The following PDLIM5 variants were observed in gnomAD, a reference collection of about 807,000 sequenced individuals.
PDLIM5 encodes the protein PDZ and LIM domain protein 5.
Under a neutral mutation model 64.2 loss-of-function variants are expected in PDLIM5, and 34 were observed. That is an observed-to-expected ratio of 0.53 (90% CI 0.40 to 0.71). The LOEUF (loss-of-function observed/expected upper bound fraction) is 0.71. PDLIM5 is among the 30% of genes least tolerant of loss of function. The pLI is 0.00. For missense variants in PDLIM5, 683 were observed against 733.6 expected, an observed-to-expected ratio of 0.93 and a Z score of 0.80; for synonymous variants, 253 against 269.1, an observed-to-expected ratio of 0.94 and a Z score of 0.59.
intron 3 of PDLIM5, among the ~76,000 whole-genome samples, chr4:94,556,358 A>G (rs940990683): frequency 5.9e-5 from 9 of 152,304 alleles, no homozygotes; most frequent in Admixed American, 2.6e-4. Context: ...TAGTGCCGCA[A>G]TAAACATAGG....
In PDLIM5 at chr4:94,579,590, C is replaced by G. The variant is rs780309692; in HGVS notation, c.710+3556C>G. On this transcript the variant is annotated intron_variant, in intron 5 of 12. Transcript: ENST00000317968. Reference sequence around the variant, plus strand: ...ATATGGTGATTTATATATGAGTAAACAGCATGAATGCCTGATTTTTGCAAA... The same window carrying G: ...ATATGGTGATTTATATATGAGTAAAGAGCATGAATGCCTGATTTTTGCAAA... 5.2e-4 allele frequency: 491 copies of G among 937,432 alleles called. 2 individuals are homozygous for G. The highest frequency in any genetic ancestry group is 6.9e-4 in the Non-Finnish European group (439 of 640,346). The allele number at this position is 937,432 out of a possible 1,614,324, so 58.1% of individuals were successfully genotyped here.
intron 9 of PDLIM5, among the ~76,000 whole-genome samples, chr4:94,649,185 A>G (rs1023901165): frequency 6.6e-5 from 10 of 152,092 alleles, no homozygotes; most frequent in African/African-American, 1.7e-4. Context: ...CATGTTGGCC[A>G]GGCTGGTCTC....
Position 94,654,551 on chromosome 4 carries a change from G to A in PDLIM5, c.1375G>A (p.Val459Ile), listed in dbSNP as rs142522131. ...AAATACAATGGCCTACATTGGATTT[G>A]TAGAGGAGAAAGGAGCCCTGTATTG... Reference protein sequence around the residue: ...CKNTMAYIGFVEEKGALYCEL... With the variant: ...CKNTMAYIGFIEEKGALYCEL... Residue 459 changes from valine (V) to isoleucine (I), a missense_variant, in exon 10 of 13, where the codon GTA becomes ATA. Physicochemically the swap from Val to Ile is conservative, Grantham distance 29. Transcript: ENST00000317968. 2 of 1,612,056 alleles carry A rather than the reference G, an allele frequency of 1.2e-6. No homozygotes were observed. Among genetic ancestry groups the A allele is most frequent in the African/African-American group, 1.3e-5 (1 of 74,976 alleles).
At chr4:94,551,273 C>A (rs1206924919) in intron 3 of PDLIM5, among the ~76,000 whole-genome samples, 1 of 151,958 alleles carries the variant, frequency 6.6e-6, no homozygotes, top group Non-Finnish European at 1.5e-5. Context: ...TTATTGTATA[C>A]CTGTTTAATG....
At chr4:94,652,249 C>T (rs1042035221) in intron 9 of PDLIM5, among the ~76,000 whole-genome samples, 3 of 152,152 alleles carry the variant, frequency 2.0e-5, no homozygotes, top group African/African-American at 7.2e-5. Context: ...CTCAAGAGTC[C>T]TCCAGCCTTA....
chr4:94,560,344 G>C (rs529029126), intron 3 of PDLIM5, among the ~76,000 whole-genome samples: 1 of 152,080 alleles, frequency 6.6e-6, no homozygotes, highest in East Asian at 1.9e-4. Context: ...TTCACTCTAG[G>C]AACTTAGCGG....
intron 2 of PDLIM5, among the ~76,000 whole-genome samples, chr4:94,517,393 A>G (rs1352748786): frequency 1.3e-5 from 2 of 152,240 alleles, no homozygotes; most frequent in Non-Finnish European, 2.9e-5. Flanking sequence ...TTTTTATTTG[A>G]CAGCAGGTAC....
intron 8 of PDLIM5, among the ~76,000 whole-genome samples, chr4:94,631,529 C>T (rs73834220): frequency 0.014 from 2,194 of 152,220 alleles, 49 homozygotes; most frequent in African/African-American, 0.049. Flanking sequence ...AAATAAATCA[C>T]CTCAACTATC....
chr4:94,521,958 G>A (rs552759059), intron 2 of PDLIM5, among the ~76,000 whole-genome samples: 2 of 152,206 alleles, frequency 1.3e-5, no homozygotes, highest in South Asian at 4.1e-4. Flanking sequence ...GCTGATTTTA[G>A]TAGGGAATAG....
intron 3 of PDLIM5, among the ~76,000 whole-genome samples, chr4:94,536,911 G>A (rs1164445883): frequency 6.6e-6 from 1 of 152,176 alleles, no homozygotes; most frequent in Non-Finnish European, 1.5e-5. Flanking sequence ...AAGTACATGG[G>A]AGTGATTGGC....
intron 8 of PDLIM5, among the ~76,000 whole-genome samples, chr4:94,628,284 A>G (rs1739861060): frequency 6.6e-6 from 1 of 152,202 alleles, no homozygotes; most frequent in South Asian, 2.1e-4. Flanking sequence ...TTCTTCCACC[A>G]TAAAATAGCT....
rs1383402679 is a variant in PDLIM5 at position 94,462,074 on chromosome 4, C to G, written c.96+6690C>G. ...AGAGACAGAGTTTCACCATGTTGGC[C>G]AGTCTGGTCTCGAACTCCTGACCTT... On this transcript the variant is annotated intron_variant, in intron 2 of 12. Coordinates refer to ENST00000317968, the MANE Select transcript of PDLIM5 (RefSeq NM_006457.5). Among the ~76,000 whole-genome samples, 3 of 152,164 alleles carry G rather than the reference C, an allele frequency of 2.0e-5. No homozygotes were observed. The East Asian group carries it at 5.8e-4, about 29-fold the overall frequency.
intron 2 of PDLIM5, among the ~76,000 whole-genome samples, chr4:94,488,237 A>T (rs1321233520): frequency 6.6e-6 from 1 of 152,160 alleles, no homozygotes; most frequent in Non-Finnish European, 1.5e-5. Context: ...CTTTTCTTGG[A>T]TTAGTTAATA....
Position 94,625,519 on chromosome 4 carries a change from T to C in PDLIM5, c.1108+7328T>C, listed in dbSNP as rs556186703. Among the ~76,000 whole-genome samples, 134 of 151,914 alleles carry C rather than the reference T, an allele frequency of 8.8e-4. 2 individuals carry two copies. The highest frequency in any genetic ancestry group is 2.9e-3 in the African/African-American group (120 of 41,438). ...CCAGGCTGGAGTGCAGTGGCGCTAT[T>C]TAGGCTCACTGCAAGCTCCACCTCC... On this transcript the variant is annotated intron_variant, in intron 8 of 12. Coordinates refer to ENST00000317968, the MANE Select transcript of PDLIM5 (RefSeq NM_006457.5).
intron 3 of PDLIM5, among the ~76,000 whole-genome samples, chr4:94,546,732 A>G (rs1038125299): frequency 5.7e-4 from 87 of 152,282 alleles, no homozygotes; most frequent in Middle Eastern, 3.4e-3. Flanking sequence ...AAGTGGTGCA[A>G]AAACACCAGG....
At chr4:94,538,937 T>A (rs59578902) in intron 3 of PDLIM5, among the ~76,000 whole-genome samples, 2,603 of 152,230 alleles carry the variant, frequency 0.017, 73 homozygotes, top group African/African-American at 0.059. Flanking sequence ...GAGAGCAGAG[T>A]AGCATTGTTT....
At chr4:94,455,837 T>G in intron 2 of PDLIM5, 1 of 1,443,200 alleles carries the variant, frequency 6.9e-7, no homozygotes, top group Non-Finnish European at 9.4e-7. Flanking sequence ...CTGGTGGAGG[T>G]GATAGCCAAC....
chr4:94,510,010 T>C (rs1242240418), intron 2 of PDLIM5, among the ~76,000 whole-genome samples: 1 of 152,200 alleles, frequency 6.6e-6, no homozygotes, highest in Admixed American at 6.5e-5. Context: ...ACTAGTTTAA[T>C]AGTTCATTCT....
intron 2 of PDLIM5, among the ~76,000 whole-genome samples, chr4:94,484,639 A>G (rs1194125105): frequency 1.3e-5 from 2 of 152,214 alleles, no homozygotes; most frequent in South Asian, 4.1e-4. Context: ...TAGTTTGTCC[A>G]TAGGTACACA....
Sources: gnomAD v4.1 joint callset for allele counts (sites outside exome capture counted in the v4.1 genomes callset) on GRCh38, gnomAD v4.1.1 for gene constraint, MANE v1.5 for transcripts, NCBI Gene and HGNC (gene_info 2026-07-23, HGNC 2026-07-21) for gene names.